The following MYRIP variants were observed in gnomAD, a reference collection of about 807,000 sequenced individuals.
MYRIP encodes the protein rab effector MyRIP.
A neutral mutation model predicts 98.0 loss-of-function variants in MYRIP; 49 were observed. The ratio of observed to expected loss-of-function variants is 0.50; its 90% CI spans 0.40 to 0.63. The LOEUF is 0.63. Among genes scored for constraint, MYRIP ranks in the 30% least tolerant of loss-of-function variants. The pLI, the probability that MYRIP is intolerant of heterozygous loss-of-function variation, is 0.00. For missense variants in MYRIP, 1,004 were observed against 1,058.2 expected (o/e 0.95, Z 0.71); for synonymous variants, 404 against 409.5 (o/e 0.99, Z 0.16).
rs1394594206 is a variant in MYRIP, at chr3:40,020,970, G to GC, written c.111-23079dup. On this transcript the variant is annotated intron_variant, in intron 2 of 16. Coordinates refer to ENST00000302541, the MANE Select transcript of MYRIP (RefSeq NM_015460.4). ...TGTATGAGCATACTCTAGAAAGCAA[G>GC]CAGAGTAAAGCATGGAAGCCCCTCT... Among the ~76,000 whole-genome samples, 6 of 152,174 alleles carry GC rather than the reference G, an allele frequency of 3.9e-5. No homozygotes were observed. The East Asian group carries it at 1.2e-3, about 30-fold the overall frequency.
At chr3:39,843,062 G>A (rs35131455) in intron 1 of MYRIP, among the ~76,000 whole-genome samples, 38,475 of 152,150 alleles carry the variant, frequency 0.25, 5,139 homozygotes, top group Middle Eastern at 0.32. Flanking sequence ...TGTGAAACCC[G>A]CAGTGGATCA....
rs9852592 is a variant in MYRIP at position 40,151,025 on chromosome 3, T to C, written c.333-23T>C. 1.4e-3 allele frequency: 2,099 copies of C among 1,531,696 alleles called. 29 individuals are homozygous for C. The African/African-American group carries it at 0.026, about 19-fold the overall frequency. The allele number at this position is 1,531,696 out of a possible 1,614,324, so 94.9% of individuals were successfully genotyped here. A position where few individuals can be genotyped will look rare whatever the true frequency, so the allele number is the denominator to read the frequency against. On this transcript the variant is annotated intron_variant, in intron 3 of 16. Coordinates refer to ENST00000302541, the MANE Select transcript of MYRIP (RefSeq NM_015460.4). ...ACCATTTAATAATTCTAATTTTGTGTTGTCTAATTCTGTTTTCCTCAGGCT... is the reference window on the plus strand; with the variant it reads ...ACCATTTAATAATTCTAATTTTGTGCTGTCTAATTCTGTTTTCCTCAGGCT...
intron 3 of MYRIP, among the ~76,000 whole-genome samples, chr3:40,066,190 C>T (rs1321337359): frequency 1.3e-5 from 2 of 152,108 alleles, no homozygotes; most frequent in Non-Finnish European, 2.9e-5. Context: ...CCAGGAAGTC[C>T]TTTGCTGTGC....
intron 1 of MYRIP, among the ~76,000 whole-genome samples, chr3:39,878,844 G>A (rs1197480481): frequency 6.7e-6 from 1 of 149,554 alleles, no homozygotes; most frequent in African/African-American, 2.5e-5. Flanking sequence ...ATCATGAGGT[G>A]AAGAGATAGA....
chr3:40,204,435 G>A (rs1387255106), intron 10 of MYRIP, among the ~76,000 whole-genome samples: 1 of 150,334 alleles, frequency 6.7e-6, no homozygotes, highest in Non-Finnish European at 1.5e-5. Flanking sequence ...ACCCGCCTCA[G>A]CCTCCCAAAG....
intron 2 of MYRIP, among the ~76,000 whole-genome samples, chr3:39,927,682 C>T (rs1944447175): frequency 6.6e-6 from 1 of 152,010 alleles, no homozygotes; most frequent in African/African-American, 2.4e-5. Context: ...TTCTCCCTAA[C>T]TCATTCTGCA....
chr3:40,032,542 C>A (rs1947284228), intron 2 of MYRIP, among the ~76,000 whole-genome samples: 1 of 151,974 alleles, frequency 6.6e-6, no homozygotes, highest in Non-Finnish European at 1.5e-5. Flanking sequence ...TCTATTAGGT[C>A]CACTTGGTGC....
At chr3:39,977,867 A>G (rs1366359907) in intron 2 of MYRIP, among the ~76,000 whole-genome samples, 1 of 152,142 alleles carries the variant, frequency 6.6e-6, no homozygotes, top group East Asian at 1.9e-4. Flanking sequence ...ACCTTGCAAT[A>G]TAAGGGTCAG....
At chr3:40,205,909 A>G (rs954453328) in intron 10 of MYRIP, among the ~76,000 whole-genome samples, 9 of 152,040 alleles carry the variant, frequency 5.9e-5, no homozygotes, top group Non-Finnish European at 1.0e-4. Context: ...TCTGAATTCA[A>G]CTGTAAGCTT....
intron 2 of MYRIP, among the ~76,000 whole-genome samples, chr3:39,938,342 TTCCTC>T (rs1468394785): frequency 2.2e-4 from 33 of 152,156 alleles, no homozygotes; most frequent in African/African-American, 7.7e-4. Flanking sequence ...ATTATTCTCT[TTCCTC>T]TATAGTATTC....
chr3:40,037,183 A>G (rs570076166), intron 2 of MYRIP, among the ~76,000 whole-genome samples: 1 of 152,084 alleles, frequency 6.6e-6, no homozygotes, highest in African/African-American at 2.4e-5. Flanking sequence ...TAAAATAATC[A>G]TGGAGTACAG....
intron 2 of MYRIP, among the ~76,000 whole-genome samples, chr3:39,907,431 C>T (rs529666370): frequency 1.3e-5 from 2 of 152,180 alleles, no homozygotes; most frequent in Admixed American, 6.5e-5. Flanking sequence ...AGAGGAAGGG[C>T]CTGTATTACT....
rs749170545 is a variant in MYRIP, at chr3:40,259,801, A to AAAAC, written c.*1647_*1650dup. On this transcript the variant is annotated 3_prime_UTR_variant, in exon 17 of 17. Transcript: ENST00000302541. ...TTGTTCTGTTGGTGTGATTCAAAGCAAAACAAACAAACAAAAACAAATTTT... is the reference window on the plus strand; with the variant it reads ...TTGTTCTGTTGGTGTGATTCAAAGCAAAACAAACAAACAAACAAAAACAAATTTT... 8.5e-5 allele frequency: 13 copies of AAAAC among 152,668 alleles called. No individual in the cohort carries two copies. The highest frequency in any genetic ancestry group is 1.2e-4 in the African/African-American group (5 of 41,464). The allele number at this position is 152,668 out of a possible 1,614,324, so 9.5% of individuals were successfully genotyped here. A position where few individuals can be genotyped will look rare whatever the true frequency, so the allele number is the denominator to read the frequency against.
intron 13 of MYRIP, among the ~76,000 whole-genome samples, chr3:40,246,464 A>G (rs1314087404): frequency 6.6e-6 from 1 of 152,242 alleles, no homozygotes; most frequent in East Asian, 1.9e-4. Context: ...AAGTAAACAG[A>G]AGAGAGGAAG....
At chr3:39,890,900 T>C (rs1434312985) in intron 1 of MYRIP, among the ~76,000 whole-genome samples, 2 of 152,106 alleles carry the variant, frequency 1.3e-5, no homozygotes. Context: ...TCAGGTGGTG[T>C]CCCTTGCCTT....
chr3:40,208,815 G>GCC (rs553367643), intron 10 of MYRIP, among the ~76,000 whole-genome samples: 5 of 152,000 alleles, frequency 3.3e-5, no homozygotes, highest in Non-Finnish European at 7.4e-5. Context: ...CCACATCCCA[G>GCC]CCACAAACAT....
intron 1 of MYRIP, among the ~76,000 whole-genome samples, chr3:39,897,772 G>T (rs1240623855): frequency 6.6e-6 from 1 of 151,130 alleles, no homozygotes; most frequent in Non-Finnish European, 1.5e-5. Context: ...CTCAGTCTCT[G>T]ACTTGTCCAT....
At chr3:39,958,529 C>G (rs1945232225) in intron 2 of MYRIP, among the ~76,000 whole-genome samples, 1 of 152,146 alleles carries the variant, frequency 6.6e-6, no homozygotes, top group South Asian at 2.1e-4. Context: ...AAAATTAACT[C>G]AAGATGGATT....
intron 3 of MYRIP, among the ~76,000 whole-genome samples, chr3:40,085,655 G>A (rs1357405751): frequency 6.6e-6 from 1 of 152,172 alleles, no homozygotes; most frequent in African/African-American, 2.4e-5. Context: ...GCATCCTGGA[G>A]CAGAGCAGCC....
Sources: gnomAD v4.1 joint callset for allele counts (sites outside exome capture counted in the v4.1 genomes callset) on GRCh38, gnomAD v4.1.1 for gene constraint, MANE v1.5 for transcripts, NCBI Gene and HGNC (gene_info 2026-07-23, HGNC 2026-07-21) for gene names.